PDE8B: variants seen among roughly 807,000 people sequenced by gnomAD.
The protein encoded by PDE8B is phosphodiesterase 8B.
Under a neutral mutation model 101.3 loss-of-function variants are expected in PDE8B, and 26 were observed. The ratio of observed to expected loss-of-function variants is 0.26; its 90% confidence interval spans 0.19 to 0.36. PDE8B has a LOEUF of 0.36. Among genes scored for constraint, PDE8B ranks in the 10% least tolerant of loss-of-function variants. The probability of loss-of-function intolerance (pLI) is 1.00; values close to 1 mark genes in which losing one functional copy is unlikely to be tolerated. For missense variants in PDE8B, 810 were observed against 1,163.1 expected, an observed-to-expected ratio of 0.70 and a Z score of 4.42; for synonymous variants, 424 against 429.3, an observed-to-expected ratio of 0.99 and a Z score of 0.15.
chr5:77,227,892 A>G (rs1487145045), intron 1 of PDE8B, among the ~76,000 whole-genome samples: 2 of 152,186 alleles, frequency 1.3e-5, no homozygotes, highest in African/African-American at 2.4e-5. Context: ...GTTGAAAGGG[A>G]TAACACACAA....
At chr5:77,181,889 C>T in the PDE8B span, among the ~76,000 whole-genome samples, 3 of 152,148 alleles carry the variant, frequency 2.0e-5, no homozygotes, top group Non-Finnish European at 4.4e-5. Flanking sequence ...CCAGAGGACC[C>T]GCCCTCTCGG....
intron 10 of PDE8B, among the ~76,000 whole-genome samples, chr5:77,390,388 G>A (rs773638422): frequency 2.6e-5 from 4 of 152,222 alleles, no homozygotes; most frequent in African/African-American, 4.8e-5. Context: ...CCAGCTTCGA[G>A]CTCTGGCAAA....
intron 1 of PDE8B, among the ~76,000 whole-genome samples, chr5:77,243,088 C>T (rs1017353752): frequency 6.6e-6 from 1 of 152,092 alleles, no homozygotes; most frequent in Non-Finnish European, 1.5e-5. Flanking sequence ...TAAAAGTGGT[C>T]TCTTTTAATC....
chr5:77,312,384 G>A (rs928842603), intron 2 of PDE8B, among the ~76,000 whole-genome samples: 3 of 152,166 alleles, frequency 2.0e-5, no homozygotes, highest in African/African-American at 4.8e-5. Flanking sequence ...GATTACAGGC[G>A]TGAACCACTG....
chr5:77,259,068 A>ACACCCC (rs1759857973), intron 1 of PDE8B, among the ~76,000 whole-genome samples: 9 of 41,160 alleles, frequency 2.2e-4, no homozygotes, highest in Admixed American at 6.0e-4. Flanking sequence ...ACACACACAC[A>ACACCCC]CCCCCGCCCC....
intron 1 of PDE8B, among the ~76,000 whole-genome samples, chr5:77,221,419 C>T (rs1320708092): frequency 6.6e-6 from 1 of 152,066 alleles, no homozygotes; most frequent in Non-Finnish European, 1.5e-5. Flanking sequence ...TGCTAGAAAC[C>T]GTAGTTTGAT....
At chr5:77,189,071 C>T in the PDE8B span, among the ~76,000 whole-genome samples, 29 of 152,310 alleles carry the variant, frequency 1.9e-4, no homozygotes, top group East Asian at 3.5e-3. Context: ...CAGGGTTTTT[C>T]TCTGCACTAC....
chr5:77,201,373 A>G, the PDE8B span, among the ~76,000 whole-genome samples: 2 of 152,242 alleles, frequency 1.3e-5, no homozygotes, highest in Non-Finnish European at 2.9e-5. Flanking sequence ...CAAATATTGA[A>G]CATGTACCAT....
chr5:77,198,634 A>C, the PDE8B span, among the ~76,000 whole-genome samples: 2 of 152,192 alleles, frequency 1.3e-5, no homozygotes, highest in Non-Finnish European at 2.9e-5. Context: ...CTTATGAATT[A>C]TAGTCCTGAG....
At chr5:77,286,440 G>A (rs1003806957) in intron 1 of PDE8B, among the ~76,000 whole-genome samples, 3 of 152,168 alleles carry the variant, frequency 2.0e-5, no homozygotes, top group South Asian at 2.1e-4. Context: ...CAGTTGGACC[G>A]TCCCATGCCG....
the PDE8B span, among the ~76,000 whole-genome samples, chr5:77,121,347 A>G: frequency 3.9e-5 from 6 of 152,156 alleles, no homozygotes; most frequent in Non-Finnish European, 8.8e-5. Flanking sequence ...AACATGGCAC[A>G]TGGCATCCCC....
Position 77,292,960 on chromosome 5 carries a change from A to G in PDE8B, c.340-19034A>G, listed in dbSNP as rs1017933371. On this transcript the variant is annotated intron_variant, in intron 1 of 21. Coordinates refer to ENST00000264917, the MANE Select transcript of PDE8B (RefSeq NM_003719.5). The stretch of plus-strand genomic sequence containing the variant: ...AAATGTTCACTTAAATTGTTTTTCA[A>G]TATTCTCATGGGATTTTTTTTCTCA... Among the ~76,000 whole-genome samples the G allele has an allele frequency of 7.9e-5, 12 of 152,146 alleles. No individual in the cohort carries two copies. The East Asian group carries it at 2.3e-3, about 29-fold the overall frequency.
Position 77,427,200 on chromosome 5 carries a change from T to C in PDE8B, c.*646T>C, listed in dbSNP as rs1465680715. The C allele has an allele frequency of 2.6e-5, 4 of 153,066 alleles. No homozygotes were observed. Among genetic ancestry groups the C allele is most frequent in the South Asian group, 4.1e-4 (2 of 4,844 alleles). The allele number at this position is 153,066 out of a possible 1,614,324, so 9.5% of individuals were successfully genotyped here. ...CTGGTGGGTGCCCTCTCTAGACTGG[T>C]ATCAGCAGCCTGTGTAACCCCTTTC... On this transcript the variant is annotated 3_prime_UTR_variant, in exon 22 of 22. Coordinates refer to ENST00000264917, the MANE Select transcript of PDE8B (RefSeq NM_003719.5).
At chr5:77,394,886 A>C (rs756803467) in intron 10 of PDE8B, among the ~76,000 whole-genome samples, 2 of 152,144 alleles carry the variant, frequency 1.3e-5, no homozygotes, top group African/African-American at 4.8e-5. Context: ...ACTTTGGTCA[A>C]TGTGTCTTGA....
chr5:77,249,325 C>G (rs1176238147), intron 1 of PDE8B, among the ~76,000 whole-genome samples: 3 of 152,172 alleles, frequency 2.0e-5, no homozygotes, highest in African/African-American at 4.8e-5. Context: ...CAGAGTAGTG[C>G]TATGATATTG....
the PDE8B span, among the ~76,000 whole-genome samples, chr5:77,137,871 A>G: frequency 7.4e-4 from 113 of 152,274 alleles, no homozygotes; most frequent in Non-Finnish European, 1.3e-3. Flanking sequence ...TCAAAGTCTG[A>G]GAAAGGCAAG....
intron 1 of PDE8B, among the ~76,000 whole-genome samples, chr5:77,264,623 A>T (rs983559689): frequency 2.6e-5 from 4 of 152,196 alleles, no homozygotes; most frequent in African/African-American, 9.7e-5. Flanking sequence ...AGTGGAGCTA[A>T]GTGCCAGTAA....
At chr5:77,368,309 CTGTTG>C (rs1784492822) in intron 10 of PDE8B, among the ~76,000 whole-genome samples, 1 of 152,184 alleles carries the variant, frequency 6.6e-6, no homozygotes. Flanking sequence ...CACTGACTCC[CTGTTG>C]TGTATAAGGT....
At chr5:77,125,313 AGTT>A in the PDE8B span, among the ~76,000 whole-genome samples, 1 of 152,190 alleles carries the variant, frequency 6.6e-6, no homozygotes, top group African/African-American at 2.4e-5. Context: ...GGAAAATAAC[AGTT>A]GTTGGCAAGA....
Sources: gnomAD v4.1 joint callset for allele counts (sites outside exome capture counted in the v4.1 genomes callset) on GRCh38, gnomAD v4.1.1 for gene constraint, MANE v1.5 for transcripts, NCBI Gene and HGNC (gene_info 2026-07-23, HGNC 2026-07-21) for gene names.